GPC6: variants seen among roughly 807,000 people sequenced by gnomAD.
GPC6 encodes the protein glypican 6.
Under a neutral mutation model 55.2 loss-of-function variants are expected in GPC6, and 14 were observed. That is an observed-to-expected ratio of 0.25 (90% CI 0.17 to 0.40). The LOEUF (loss-of-function observed/expected upper bound fraction) is 0.40, where lower values mean the gene tolerates loss of function less well. Among genes scored for constraint, GPC6 ranks in the 10% least tolerant of loss-of-function variants. The pLI, the probability that GPC6 is intolerant of heterozygous loss-of-function variation, is 1.00. For synonymous variants in GPC6, 278 were observed against 259.6 expected (o/e 1.07, Z -0.68); for missense variants, 641 against 708.5 (o/e 0.90, Z 1.08).
At chr13:93,959,079 C>T (rs762752006) in intron 3 of GPC6, among the ~76,000 whole-genome samples, 2 of 151,982 alleles carry the variant, frequency 1.3e-5, no homozygotes, top group African/African-American at 2.4e-5. Flanking sequence ...CTTTCGACAG[C>T]ACCTTTAAGG....
chr13:94,319,867 T>G (rs1876727941), intron 6 of GPC6, among the ~76,000 whole-genome samples: 1 of 152,164 alleles, frequency 6.6e-6, no homozygotes, highest in Non-Finnish European at 1.5e-5. Flanking sequence ...TTTTATTAAT[T>G]TTGCTTAGGA....
chr13:94,125,132 T>C (rs922227907), intron 4 of GPC6, among the ~76,000 whole-genome samples: 1 of 152,176 alleles, frequency 6.6e-6, no homozygotes, highest in Non-Finnish European at 1.5e-5. Flanking sequence ...AAATTACTTT[T>C]ACAAGACACT....
At chr13:94,198,829 C>T (rs1221468937) in intron 4 of GPC6, among the ~76,000 whole-genome samples, 1 of 152,178 alleles carries the variant, frequency 6.6e-6, no homozygotes, top group African/African-American at 2.4e-5. Context: ...GTTTGCTCAA[C>T]CCCCTGCCGG....
At chr13:93,950,736 T>G (rs1879217492) in intron 3 of GPC6, among the ~76,000 whole-genome samples, 1 of 152,210 alleles carries the variant, frequency 6.6e-6, no homozygotes, top group African/African-American at 2.4e-5. Context: ...TCTGTGACCT[T>G]CTCTTGCCCT....
rs138321256 is a variant in GPC6 at position 93,713,598 on chromosome 13, T to G, written c.320-116556T>G. 5.9e-5 allele frequency among the ~76,000 whole-genome samples: 9 copies of G among 151,796 alleles called. No individual in the cohort carries two copies. The East Asian group carries it at 1.8e-3, about 30-fold the overall frequency. ...TCACTGAAACCTTGAACTACTTTCT[T>G]CTGTACAGTACATACTTTATGATTT... is the stretch of plus-strand genomic sequence containing the variant. On this transcript the variant is annotated intron_variant, in intron 2 of 8. Coordinates refer to ENST00000377047, the MANE Select transcript of GPC6 (RefSeq NM_005708.5).
At chr13:93,867,428 C>T (rs2139033648) in intron 3 of GPC6, among the ~76,000 whole-genome samples, 1 of 151,820 alleles carries the variant, frequency 6.6e-6, no homozygotes, top group Middle Eastern at 3.4e-3. Flanking sequence ...TGAACATCTT[C>T]AAACCTTACT....
intron 4 of GPC6, among the ~76,000 whole-genome samples, chr13:94,045,196 A>G (rs1418243690): frequency 6.6e-6 from 1 of 151,946 alleles, no homozygotes; most frequent in Non-Finnish European, 1.5e-5. Flanking sequence ...GGTCTGTAAT[A>G]ACAGCAATTA....
Position 94,358,372 on chromosome 13 carries a change from G to A in GPC6, c.1153-24042G>A, listed in dbSNP as rs1005105818. Among the ~76,000 whole-genome samples, 9 of 151,786 alleles carry A rather than the reference G, an allele frequency of 5.9e-5. No homozygotes were observed. In the South Asian group the frequency reaches 6.2e-4, roughly 11 times the overall value. ...CAGTACTACATATTCAAAAAACTAA[G>A]TAAAGAAAATAAAGACAGATTTTTT... On this transcript the variant is annotated intron_variant, in intron 6 of 8. Coordinates refer to ENST00000377047, the MANE Select transcript of GPC6 (RefSeq NM_005708.5).
intron 2 of GPC6, among the ~76,000 whole-genome samples, chr13:93,762,076 A>G (rs994056424): frequency 5.3e-5 from 8 of 151,856 alleles, no homozygotes; most frequent in African/African-American, 1.7e-4. Flanking sequence ...TCTACTCTCA[A>G]TCTCTGAAAG....
At chr13:94,394,522 A>G (rs1217256085) in intron 7 of GPC6, among the ~76,000 whole-genome samples, 1 of 152,224 alleles carries the variant, frequency 6.6e-6, no homozygotes, top group East Asian at 1.9e-4. Flanking sequence ...AGACATATCT[A>G]TTCTTGCAGG....
intron 6 of GPC6, among the ~76,000 whole-genome samples, chr13:94,324,083 A>G (rs1401529855): frequency 6.6e-6 from 1 of 152,238 alleles, no homozygotes; most frequent in Non-Finnish European, 1.5e-5. Context: ...CCACATAGCA[A>G]GATGACAATG....
chr13:93,902,494 A>G (rs569333242), intron 3 of GPC6, among the ~76,000 whole-genome samples: 6 of 152,254 alleles, frequency 3.9e-5, no homozygotes, highest in African/African-American at 1.4e-4. Flanking sequence ...TATCTTGACT[A>G]TTGTGAATAG....
intron 1 of GPC6, among the ~76,000 whole-genome samples, chr13:93,328,503 G>A (rs1202712477): frequency 6.6e-6 from 1 of 151,786 alleles, no homozygotes; most frequent in African/African-American, 2.4e-5. Context: ...GCAAAACCCT[G>A]TCTCTACAAA....
intron 2 of GPC6, among the ~76,000 whole-genome samples, chr13:93,552,439 T>TCTCCTC (rs71706553): frequency 6.6e-6 from 1 of 150,880 alleles, no homozygotes; most frequent in Non-Finnish European, 1.5e-5. Context: ...GCCTTCCTTC[T>TCTCCTC]CTCCTCCTCC....
rs1344223639 is a variant in GPC6, at chr13:93,879,624, T to A, written c.711+49079T>A. On this transcript the variant is annotated intron_variant, in intron 3 of 8. Transcript: ENST00000377047. ...ACCATAAAAACCCTAGAAGAAAACC[T>A]AGGCATTACCATTCAGGACATAGGC... 4.6e-3 allele frequency among the ~76,000 whole-genome samples: 687 copies of A among 150,336 alleles called. 6 individuals are homozygous for A. The highest frequency in any genetic ancestry group is 0.016 in the African/African-American group (658 of 41,164).
chr13:93,467,113 C>T (rs1172398125), intron 1 of GPC6, among the ~76,000 whole-genome samples: 1 of 152,060 alleles, frequency 6.6e-6, no homozygotes, highest in South Asian at 2.1e-4. Flanking sequence ...TTCTTTCTAC[C>T]CCCTTTATAA....
chr13:94,333,325 G>A (rs1877521201), intron 6 of GPC6, among the ~76,000 whole-genome samples: 1 of 152,174 alleles, frequency 6.6e-6, no homozygotes, highest in Non-Finnish European at 1.5e-5. Context: ...GTGCTGTACG[G>A]CATCTTATGG....
At chr13:93,411,392 T>C (rs921317793) in intron 1 of GPC6, among the ~76,000 whole-genome samples, 1 of 152,170 alleles carries the variant, frequency 6.6e-6, no homozygotes, top group Non-Finnish European at 1.5e-5. Flanking sequence ...GGCTGTACTT[T>C]GTGTCAGTCT....
chr13:94,273,642 C>T (rs1037188092), intron 4 of GPC6, among the ~76,000 whole-genome samples: 5 of 152,118 alleles, frequency 3.3e-5, no homozygotes, highest in African/African-American at 1.2e-4. Context: ...GCAATTTAGG[C>T]ACTTGGTGTA....
Sources: gnomAD v4.1 joint callset for allele counts (sites outside exome capture counted in the v4.1 genomes callset) on GRCh38, gnomAD v4.1.1 for gene constraint, MANE v1.5 for transcripts, NCBI Gene and HGNC (gene_info 2026-07-23, HGNC 2026-07-21) for gene names.